Variants in GTPBP4 observed in about 807,000 individuals in gnomAD.
The protein encoded by GTPBP4 is GTP binding protein 4.
A neutral mutation model predicts 81.7 loss-of-function variants in GTPBP4; 15 were observed. The observed-to-expected ratio is 0.18, with a 90% CI of 0.12 to 0.28. The LOEUF (loss-of-function observed/expected upper bound fraction) is 0.28. GTPBP4 is among the 10% of genes least tolerant of loss of function. The pLI is 1.00. For synonymous variants in GTPBP4, 272 were observed against 274.6 expected (o/e 0.99, Z 0.09); for missense variants, 847 against 793.8 (o/e 1.07, Z -0.81).
chr10:1,007,813 G>A (rs952748714), intron 10 of GTPBP4: 1 of 483,352 alleles, frequency 2.1e-6, no homozygotes, highest in South Asian at 1.5e-5. Flanking sequence ...CTTGTGTAAA[G>A]ATGATTTTAT....
At chr10:1,001,110 A>G in intron 8 of GTPBP4, 97 bp downstream of exon 8, 1 of 762,616 alleles carries the variant, frequency 1.3e-6, no homozygotes. Flanking sequence ...TAGCAATACT[A>G]GTCCACAATT....
chr10:989,175 C>T (rs1420101289), intron 1 of GTPBP4, among the ~76,000 whole-genome samples: 2 of 142,728 alleles, frequency 1.4e-5, no homozygotes, highest in Non-Finnish European at 3.0e-5. Context: ...CAGGCTGGAG[C>T]GCAGTCTCGG....
intron 5 of GTPBP4, among the ~76,000 whole-genome samples, chr10:997,762 C>T (rs919152875): frequency 6.6e-6 from 1 of 152,192 alleles, no homozygotes; most frequent in African/African-American, 2.4e-5. Flanking sequence ...TGGGGTCTTC[C>T]CGTCTGCAGC....
At chr10:1,008,847 A>G (rs1831799263) in intron 10 of GTPBP4, 111 bp from the exon 11 acceptor site, 1 of 800,208 alleles carries the variant, frequency 1.2e-6, no homozygotes, top group Non-Finnish European at 2.2e-6. Flanking sequence ...TGGTCTGGGT[A>G]TGGTTTTCTG....
chr10:1,017,026 A>G, intron 16 of GTPBP4, 49 bp from the exon 17 acceptor site: 4 of 1,501,046 alleles, frequency 2.7e-6, no homozygotes, highest in Non-Finnish European at 3.7e-6. Flanking sequence ...CAGAATGGAA[A>G]ATTGGTTTTA....
chr10:988,781 C>T (rs751533581), intron 1 of GTPBP4: 16 of 488,074 alleles, frequency 3.3e-5, no homozygotes, highest in Non-Finnish European at 4.4e-5. Flanking sequence ...CTGAGGGCCC[C>T]CAGAGATGGG....
chr10:1,011,176 C>T (rs944261254), intron 13 of GTPBP4, among the ~76,000 whole-genome samples: 1 of 150,860 alleles, frequency 6.6e-6, no homozygotes, highest in Non-Finnish European at 1.5e-5. Context: ...CTGACTGTGC[C>T]CCCTGCACCA....
At position 1,018,022 on chromosome 10, in the gene GTPBP4, G is replaced by GA. The variant is rs1832020727; in HGVS notation, c.*795_*796insA. ...CTCCTGGAGCTCCAAAGACACACAG[G>GA]GGTCCAAGAGCCACCACGGATAAGT... On this transcript the variant is annotated 3_prime_UTR_variant, in exon 17 of 17. Transcript: ENST00000360803. 2 of 152,164 alleles carry GA rather than the reference G, an allele frequency of 1.3e-5. No individual in the cohort carries two copies. The highest frequency in any genetic ancestry group is 4.8e-5 in the African/African-American group (2 of 41,418). The allele number at this position is 152,164 out of a possible 1,614,324, so 9.4% of individuals were successfully genotyped here. A position where few individuals can be genotyped will look rare whatever the true frequency, so the allele number is the denominator to read the frequency against.
chr10:1,000,005 C>T (rs926315523), intron 6 of GTPBP4, among the ~76,000 whole-genome samples: 6 of 152,152 alleles, frequency 3.9e-5, no homozygotes, highest in Admixed American at 3.3e-4. Context: ...TTTCCACACT[C>T]TAATTTTGTA....
chr10:1,004,824 C>G (rs1047376284), intron 8 of GTPBP4, among the ~76,000 whole-genome samples: 1 of 152,152 alleles, frequency 6.6e-6, no homozygotes, highest in East Asian at 1.9e-4. Flanking sequence ...GCAGTTTAGC[C>G]TCAGGGATGA....
chr10:1,019,782 G>C lies in GTPBP4; in HGVS notation c.*2555G>C, dbSNP rs147373006. On this transcript the variant is annotated 3_prime_UTR_variant, in exon 17 of 17. Transcript: ENST00000360803. ...TTCATGCTCTCCCCAAATTCTGTCT[G>C]ATTTTGCCTTGTGGTGATAGATTGT... is the stretch of plus-strand genomic sequence containing the variant. 1.7e-5 allele frequency: 27 copies of C among 1,613,922 alleles called. No individual in the cohort carries two copies. Among genetic ancestry groups the C allele is most frequent in the African/African-American group, 1.5e-4 (11 of 74,882 alleles).
chr10:1,017,137 G>A lies in GTPBP4; in HGVS notation c.1815G>A (p.Lys605=). ...AGAAGAAGATGAATCGGTTGGGGAA[G>A]AAAGGGGAGGCGGATAGACACGTGT... is the stretch of plus-strand genomic sequence containing the variant. ...NAQKKMNRLG[K]KGEADRHVFD... is the part of the protein sequence containing the mutation. Residue 605 remains lysine, a synonymous_variant, in exon 17 of 17, where the codon AAG becomes AAA. Transcript: ENST00000360803. 6.2e-7 allele frequency: 1 copy of A among 1,613,864 alleles called. No homozygotes were observed. Among genetic ancestry groups the A allele is most frequent in the South Asian group, 1.1e-5 (1 of 91,078 alleles).
In GTPBP4 at chr10:988,510, G is replaced by C; in HGVS notation, c.31G>C (p.Val11Leu). The change falls in exon 1 of 17, where the codon GTG becomes CTG. Residue 11 changes from valine to leucine, a missense_variant. Physicochemically the swap from Val to Leu is conservative, Grantham distance 32. Transcript: ENST00000360803. MAHYNFKKIT[V>L]VPSAKDFIDL... ...ACATTACAACTTCAAGAAAATTACGGTGGTGCCGTCCGCCAAGGTAGGCGG... is the reference window on the plus strand; with the variant it reads ...ACATTACAACTTCAAGAAAATTACGCTGGTGCCGTCCGCCAAGGTAGGCGG... The C allele has an allele frequency of 6.2e-7, 1 of 1,613,070 alleles. No individual in the cohort carries two copies. The highest frequency in any genetic ancestry group is 8.5e-7 in the Non-Finnish European group (1 of 1,179,590).
chr10:1,007,093 C>T lies in GTPBP4; in HGVS notation c.1078C>T (p.Leu360=). The change falls in exon 10 of 17, where the codon CTG becomes TTG. Residue 360 remains leucine (L), a synonymous_variant. Coordinates refer to ENST00000360803, the MANE Select transcript of GTPBP4 (RefSeq NM_012341.3). ...TAAAGTGAATGAGGTGCTGAATAGA[C>T]TGCACCTGGCTATCCCAACCAGGAG... ...GNKVNEVLNR[L]HLAIPTRRDD... 6.2e-7 allele frequency: 1 copy of T among 1,609,992 alleles called. No individual in the cohort carries two copies. Among genetic ancestry groups the T allele is most frequent in the Non-Finnish European group, 8.5e-7 (1 of 1,176,164 alleles).
At chr10:997,023 G>T in intron 4 of GTPBP4, 185 bp from the exon 5 acceptor site, 1 of 572,698 alleles carries the variant, frequency 1.7e-6, no homozygotes, top group East Asian at 3.0e-5. Context: ...TTGGGAGATA[G>T]CAATTGAATA....
intron 12 of GTPBP4, among the ~76,000 whole-genome samples, 191 bp from the exon 13 acceptor site, chr10:1,010,229 C>T (rs71494945): frequency 0.4 from 30,312 of 76,214 alleles, 3,424 homozygotes; most frequent in South Asian, 0.46. Flanking sequence ...GGGGTGATTT[C>T]TGTAGCTTTC....
chr10:991,228 G>A (rs887594168), intron 1 of GTPBP4, among the ~76,000 whole-genome samples: 2 of 152,214 alleles, frequency 1.3e-5, no homozygotes, highest in African/African-American at 4.8e-5. Context: ...CGTGAAGGAA[G>A]GGACAGTATC....
chr10:1,005,765 A>C (rs1831718190), intron 8 of GTPBP4, 53 bp from the exon 9 acceptor site: 2 of 1,004,214 alleles, frequency 2.0e-6, no homozygotes, highest in Non-Finnish European at 3.2e-6. Flanking sequence ...AGTTTGTTCC[A>C]TAGGGAACTG....
rs763930471 is a variant in GTPBP4, at chr10:1,019,515, T to C, written c.*2288T>C. ...ACATGGCTGACTCGACCTCCCTGCCTCTCACACTCTGTGTATTTTGTGAAG... is the reference window on the plus strand; with the variant it reads ...ACATGGCTGACTCGACCTCCCTGCCCCTCACACTCTGTGTATTTTGTGAAG... On this transcript the variant is annotated 3_prime_UTR_variant, in exon 17 of 17. Coordinates refer to ENST00000360803, the MANE Select transcript of GTPBP4 (RefSeq NM_012341.3). 2 of 1,609,270 alleles carry C rather than the reference T, an allele frequency of 1.2e-6. 1 individual carries two copies.
Sources: gnomAD v4.1 joint callset for allele counts (sites outside exome capture counted in the v4.1 genomes callset) on GRCh38, gnomAD v4.1.1 for gene constraint, MANE v1.5 for transcripts, NCBI Gene and HGNC (gene_info 2026-07-23, HGNC 2026-07-21) for gene names.